PEPD: variants seen among roughly 807,000 people sequenced by gnomAD.
The protein encoded by PEPD is xaa-Pro dipeptidase.
Under a neutral mutation model 60.7 loss-of-function variants are expected in PEPD, and 53 were observed. That is an observed-to-expected ratio of 0.87 (90% CI 0.70 to 1.10). The LOEUF is 1.10. PEPD is among the 50% of genes least tolerant of loss of function. The pLI is 0.00. For synonymous variants in PEPD, 267 were observed against 284.1 expected (o/e 0.94, Z 0.60); for missense variants, 711 against 711.9 (o/e 1.00, Z 0.01).
At chr19:33,494,489 C>A (rs192473697) in intron 4 of PEPD, among the ~76,000 whole-genome samples, 1 of 152,332 alleles carries the variant, frequency 6.6e-6, no homozygotes, top group African/African-American at 2.4e-5. Flanking sequence ...CACGTACAAT[C>A]CTATCTCCAG....
intron 12 of PEPD, among the ~76,000 whole-genome samples, chr19:33,400,671 C>G (rs1056958705): frequency 6.6e-6 from 1 of 152,224 alleles, no homozygotes; most frequent in Admixed American, 6.5e-5. Flanking sequence ...CTGGTGAATC[C>G]AAGGATTACG....
chr19:33,387,362 G>A lies in PEPD; in HGVS notation c.1464C>T (p.Pro488=), dbSNP rs1968096027. Residue 488 remains proline, a synonymous_variant, in exon 15 of 15, where the codon CCC becomes CCT. Coordinates refer to ENST00000244137, the MANE Select transcript of PEPD (RefSeq NM_000285.4). ...CMAGCDKAFT[P]FSGPK is the part of the protein sequence containing the mutation. ...GCTGGCTCTACTTGGGGCCAGAGAA[G>A]GGGGTAAAGGCCTTGTCACAGCCTG... The A allele has an allele frequency of 6.2e-7, 1 of 1,614,022 alleles. No individual in the cohort carries two copies. The highest frequency in any genetic ancestry group is 8.5e-7 in the Non-Finnish European group (1 of 1,180,036).
At chr19:33,519,540 G>A (rs563431107) in intron 1 of PEPD, among the ~76,000 whole-genome samples, 40 of 152,308 alleles carry the variant, frequency 2.6e-4, no homozygotes, top group South Asian at 1.7e-3. Flanking sequence ...TGAGCTTTGC[G>A]GGAAACACAC....
In PEPD at chr19:33,401,632, T is replaced by G. The variant is rs138916585; in HGVS notation, c.967+89A>C. 1,256 of 1,241,906 alleles carry G rather than the reference T, an allele frequency of 1.0e-3. 3 individuals are homozygous for G. The highest frequency in any genetic ancestry group is 1.4e-3 in the Non-Finnish European group (1,212 of 869,828). 76.9% of individuals were successfully genotyped at this position (1,241,906 alleles called of 1,614,324 possible). On this transcript the variant is annotated intron_variant, in intron 12 of 14. Coordinates refer to ENST00000244137, the MANE Select transcript of PEPD (RefSeq NM_000285.4). The stretch of plus-strand genomic sequence containing the variant: ...AGTGTGGCAGATTCAAGTCACACAA[T>G]GCAGACCCGTTCCCTGCAGGCACCT...
At chr19:33,401,688 A>AG in intron 12 of PEPD, 33 bp downstream of exon 12, 11 of 1,591,928 alleles carry the variant, frequency 6.9e-6, no homozygotes, top group Non-Finnish European at 9.4e-6. Flanking sequence ...ACGCCACGTC[A>AG]GATGCGCCTC....
chr19:33,395,712 C>T (rs983181799), intron 12 of PEPD, among the ~76,000 whole-genome samples: 6 of 152,228 alleles, frequency 3.9e-5, no homozygotes, highest in African/African-American at 9.6e-5. Flanking sequence ...AGGGGGCTCC[C>T]GGGCCTGACC....
intron 9 of PEPD, among the ~76,000 whole-genome samples, chr19:33,433,057 C>A (rs1056776939): frequency 6.6e-6 from 1 of 151,998 alleles, no homozygotes; most frequent in Admixed American, 6.5e-5. Flanking sequence ...TCCCTCCATT[C>A]CTGAACAAGC....
Position 33,403,111 on chromosome 19 carries a change from A to T in PEPD, c.819-1242T>A, listed in dbSNP as rs574065282. On this transcript the variant is annotated intron_variant, in intron 11 of 14. Transcript: ENST00000244137. ...GACTCCCCGGAAGCAGCCCAGGTGG[A>T]CAAGGCTGGGCCTGGCTGAGGGGGC... Among the ~76,000 whole-genome samples, 7 of 152,294 alleles carry T rather than the reference A, an allele frequency of 4.6e-5. No individual in the cohort carries two copies. In the East Asian group the frequency reaches 1.4e-3, roughly 29 times the overall value.
chr19:33,394,200 A>G (rs1968310060), intron 12 of PEPD, among the ~76,000 whole-genome samples: 2 of 152,106 alleles, frequency 1.3e-5, no homozygotes, highest in African/African-American at 4.8e-5. Context: ...GCCCAGCTCA[A>G]CTGCTTCCTC....
chr19:33,519,735 T>C (rs1436488795), intron 1 of PEPD, among the ~76,000 whole-genome samples: 2 of 152,100 alleles, frequency 1.3e-5, no homozygotes, highest in Middle Eastern at 3.2e-3. Context: ...TCACCCACCC[T>C]GTGTGGTGGC....
At chr19:33,472,322 T>C (rs1970135846) in intron 7 of PEPD, among the ~76,000 whole-genome samples, 1 of 152,200 alleles carries the variant, frequency 6.6e-6, no homozygotes, top group Non-Finnish European at 1.5e-5. Context: ...CATAAGACCC[T>C]GTCTCTAAAA....
chr19:33,410,515 C>T (rs980902588), intron 11 of PEPD, among the ~76,000 whole-genome samples: 2 of 152,200 alleles, frequency 1.3e-5, no homozygotes, highest in South Asian at 2.1e-4. Context: ...TGGGCTCCCA[C>T]GACTACCTGC....
At chr19:33,466,597 C>G (rs1008769909) in intron 7 of PEPD, among the ~76,000 whole-genome samples, 6 of 152,012 alleles carry the variant, frequency 3.9e-5, no homozygotes, top group Non-Finnish European at 7.4e-5. Flanking sequence ...ACTGGTCCAG[C>G]CTTTCAGTAT....
chr19:33,414,830 A>G (rs1306901443), intron 9 of PEPD, among the ~76,000 whole-genome samples: 1 of 152,210 alleles, frequency 6.6e-6, no homozygotes, highest in Non-Finnish European at 1.5e-5. Flanking sequence ...CTCACAGGAT[A>G]ATTGGGTATC....
intron 4 of PEPD, among the ~76,000 whole-genome samples, chr19:33,495,009 G>A (rs370767315): frequency 6.6e-6 from 1 of 151,574 alleles, no homozygotes; most frequent in Non-Finnish European, 1.5e-5. Context: ...GGTGGCGGGT[G>A]CCTGTAGTCC....
chr19:33,396,339 A>G (rs1428601236), intron 12 of PEPD, among the ~76,000 whole-genome samples: 1 of 152,062 alleles, frequency 6.6e-6, no homozygotes, highest in Admixed American at 6.5e-5. Context: ...CCACGGGGCC[A>G]CAGGAGACAC....
At chr19:33,391,605 G>C in intron 12 of PEPD, 126 bp from the exon 13 acceptor site, 1 of 886,294 alleles carries the variant, frequency 1.1e-6, no homozygotes. Flanking sequence ...GGGGTGAGGG[G>C]GCAAGGGTAC....
At chr19:33,406,265 G>A (rs1307759012) in intron 11 of PEPD, among the ~76,000 whole-genome samples, 1 of 152,230 alleles carries the variant, frequency 6.6e-6, no homozygotes, top group Non-Finnish European at 1.5e-5. Context: ...CAAACTGTGG[G>A]TCATGACATC....
At chr19:33,515,794 G>A (rs2145360773) in intron 1 of PEPD, among the ~76,000 whole-genome samples, 2 of 151,984 alleles carry the variant, frequency 1.3e-5, no homozygotes, top group Middle Eastern at 3.4e-3. Flanking sequence ...CTCCCTGCCT[G>A]GCCACACTCC....
Sources: gnomAD v4.1 joint callset for allele counts (sites outside exome capture counted in the v4.1 genomes callset) on GRCh38, gnomAD v4.1.1 for gene constraint, MANE v1.5 for transcripts, NCBI Gene and HGNC (gene_info 2026-07-23, HGNC 2026-07-21) for gene names.